Variants in KCNH7 observed in about 807,000 individuals in gnomAD.
KCNH7 encodes voltage-gated inwardly rectifying potassium channel KCNH7.
In KCNH7, 49 loss-of-function variants were observed where a neutral mutation model predicts 120.8. That is an observed-to-expected ratio of 0.41 (90% CI 0.32 to 0.51). The LOEUF is 0.51. Among genes scored for constraint, KCNH7 ranks in the 20% least tolerant of loss-of-function variants. The pLI, the probability that KCNH7 is intolerant of heterozygous loss-of-function variation, is 0.38. For synonymous variants in KCNH7, 547 were observed against 516.1 expected, an observed-to-expected ratio of 1.06 and a Z score of -0.81; for missense variants, 1,097 against 1,446.6, an observed-to-expected ratio of 0.76 and a Z score of 3.92.
At chr2:162,779,321 C>G (rs1050456852) in intron 2 of KCNH7, among the ~76,000 whole-genome samples, 1 of 152,060 alleles carries the variant, frequency 6.6e-6, no homozygotes, top group Non-Finnish European at 1.5e-5. Context: ...TCACCTCAGC[C>G]TCCTGAGTAG....
chr2:162,784,359 G>T (rs1683622031), intron 2 of KCNH7, among the ~76,000 whole-genome samples: 1 of 151,992 alleles, frequency 6.6e-6, no homozygotes, highest in Non-Finnish European at 1.5e-5. Flanking sequence ...ACAGTAGCTG[G>T]CTGATTTACA....
intron 2 of KCNH7, among the ~76,000 whole-genome samples, chr2:162,828,228 A>AT (rs1484887992): frequency 6.6e-6 from 1 of 152,174 alleles, no homozygotes; most frequent in Non-Finnish European, 1.5e-5. Context: ...ATCTTAGTAT[A>AT]TGCAAATACC....
At chr2:162,705,688 C>A (rs542307944) in intron 2 of KCNH7, among the ~76,000 whole-genome samples, 2 of 152,138 alleles carry the variant, frequency 1.3e-5, no homozygotes, top group South Asian at 2.1e-4. Context: ...ACTGGCAAGA[C>A]CCAACTCAAG....
intron 2 of KCNH7, among the ~76,000 whole-genome samples, chr2:162,675,412 A>C (rs1211720050): frequency 1.3e-5 from 2 of 151,612 alleles, no homozygotes; most frequent in African/African-American, 4.8e-5. Context: ...ATTTTGAATT[A>C]CTTAGTAAAA....
chr2:162,536,950 T>C lies in KCNH7; in HGVS notation c.438A>G (p.Pro146=). The change falls in exon 3 of 16, where the codon CCA becomes CCG. Residue 146 remains proline, a synonymous_variant. Transcript: ENST00000332142. ...GGTTTACAGTTTTGATTGGTAATAT[T>C]GGGTTTACCCTCTCTGGGGTGGCAG... ...ENAATPERVN[P]ILPIKTVNRK... 1 of 1,612,740 alleles carries C rather than the reference T, an allele frequency of 6.2e-7. No individual in the cohort carries two copies. The highest frequency in any genetic ancestry group is 2.2e-5 in the East Asian group (1 of 44,798).
At chr2:162,660,224 T>A (rs1684911745) in intron 2 of KCNH7, among the ~76,000 whole-genome samples, 1 of 152,166 alleles carries the variant, frequency 6.6e-6, no homozygotes, top group Admixed American at 6.5e-5. Flanking sequence ...AGATTATTGA[T>A]TTTACTTATT....
At chr2:162,584,090 A>C (rs1208553667) in intron 2 of KCNH7, among the ~76,000 whole-genome samples, 8 of 152,166 alleles carry the variant, frequency 5.3e-5, no homozygotes, top group Admixed American at 5.2e-4. Flanking sequence ...TTGCATTTAT[A>C]GTTACTTACT....
intron 2 of KCNH7, among the ~76,000 whole-genome samples, chr2:162,823,006 C>G (rs1213275928): frequency 6.6e-6 from 1 of 152,168 alleles, no homozygotes; most frequent in African/African-American, 2.4e-5. Context: ...AAGGGGAGAC[C>G]TGACTCCACA....
At position 162,836,867 on chromosome 2, in the gene KCNH7, G is replaced by T. The variant is rs892221335; in HGVS notation, c.77-100C>A. 9.2e-6 allele frequency: 7 copies of T among 763,164 alleles called. No individual in the cohort carries two copies. In the East Asian group the frequency reaches 1.9e-4, roughly 21 times the overall value. The allele number at this position is 763,164 out of a possible 1,614,324, so 47.3% of individuals were successfully genotyped here. A position where few individuals can be genotyped will look rare whatever the true frequency, so the allele number is the denominator to read the frequency against. On this transcript the variant is annotated intron_variant, in intron 1 of 15. Coordinates refer to ENST00000332142, the MANE Select transcript of KCNH7 (RefSeq NM_033272.4). ...GCATAATAAGAGCTCTGAAATGCAG[G>T]TGCCTCCCCAAATTACTAATCTCTC...
At chr2:162,501,224 A>G (rs572441281) in intron 6 of KCNH7, among the ~76,000 whole-genome samples, 1 of 152,140 alleles carries the variant, frequency 6.6e-6, no homozygotes, top group South Asian at 2.1e-4. Context: ...TATTTCTAGC[A>G]AGGACCATAG....
At chr2:162,521,985 A>G (rs748897781) in intron 3 of KCNH7, among the ~76,000 whole-genome samples, 8 of 151,908 alleles carry the variant, frequency 5.3e-5, no homozygotes, top group Non-Finnish European at 1.0e-4. Flanking sequence ...GACAATGTGC[A>G]GACAAACCAC....
At chr2:162,742,010 C>T (rs1688155527) in intron 2 of KCNH7, among the ~76,000 whole-genome samples, 1 of 152,076 alleles carries the variant, frequency 6.6e-6, no homozygotes. Context: ...AATCAGTGTT[C>T]CAAAGCTTGC....
chr2:162,648,684 C>T (rs1252535073), intron 2 of KCNH7, among the ~76,000 whole-genome samples: 1 of 152,110 alleles, frequency 6.6e-6, no homozygotes, highest in Non-Finnish European at 1.5e-5. Flanking sequence ...TGGCCCAGAG[C>T]CAAATCCAGG....
intron 2 of KCNH7, among the ~76,000 whole-genome samples, chr2:162,738,039 G>C (rs532647783): frequency 6.8e-6 from 1 of 146,386 alleles, no homozygotes; most frequent in South Asian, 2.2e-4. Flanking sequence ...ACTCCAGCCT[G>C]GGCGGCAGAG....
At chr2:162,440,778 T>C (rs758103720) in intron 7 of KCNH7, among the ~76,000 whole-genome samples, 5 of 152,124 alleles carry the variant, frequency 3.3e-5, no homozygotes, top group Non-Finnish European at 7.4e-5. Flanking sequence ...TTTTGTTTTA[T>C]AATTAACATT....
intron 2 of KCNH7, among the ~76,000 whole-genome samples, chr2:162,670,342 C>A (rs1380709140): frequency 6.6e-6 from 1 of 150,378 alleles, no homozygotes; most frequent in Admixed American, 6.6e-5. Context: ...GGTGTGGTGG[C>A]GCATGCCTGT....
At chr2:162,761,150 A>T (rs996503094) in intron 2 of KCNH7, among the ~76,000 whole-genome samples, 1 of 151,968 alleles carries the variant, frequency 6.6e-6, no homozygotes, top group Non-Finnish European at 1.5e-5. Flanking sequence ...CTTCATCTAC[A>T]TTTCCCCCTA....
rs1370077608 is a variant in KCNH7, at chr2:162,559,012, G to A, written c.308-21932C>T. On this transcript the variant is annotated intron_variant, in intron 2 of 15. Transcript: ENST00000332142. ...GGAGCTTGCAGTGAGCCAAGATTGC[G>A]TCACTGCAGTCCAGCCTGGGCAACA... is the stretch of plus-strand genomic sequence containing the variant. 1.7e-4 allele frequency among the ~76,000 whole-genome samples: 23 copies of A among 133,236 alleles called. No individual in the cohort carries two copies. The East Asian group carries it at 1.8e-3, about 11-fold the overall frequency. The allele number at this position is 133,236 out of a possible 152,430, so 87.4% of individuals were successfully genotyped here.
intron 12 of KCNH7, among the ~76,000 whole-genome samples, chr2:162,390,743 C>G (rs1336852838): frequency 1.3e-5 from 2 of 151,596 alleles, no homozygotes; most frequent in African/African-American, 4.9e-5. Context: ...AAGGTGCTCT[C>G]AAATTTCTAC....
Sources: allele counts gnomAD v4.1 joint callset (sites outside exome capture counted in the v4.1 genomes callset), GRCh38; gene constraint gnomAD v4.1.1; transcripts MANE v1.5; gene names NCBI Gene and HGNC (gene_info 2026-07-23, HGNC 2026-07-21).